VRK2: variants seen among roughly 807,000 people sequenced by gnomAD.
VRK2 encodes the protein VRK serine/threonine kinase 2.
VRK2 carries 60 observed loss-of-function variants against 57.6 expected under a neutral mutation model. The ratio of observed to expected loss-of-function variants is 1.04; its 90% CI spans 0.85 to 1.29. The LOEUF (loss-of-function observed/expected upper bound fraction) is 1.29, where lower values mean the gene tolerates loss of function less well. VRK2 is among the 50% of genes most tolerant of loss of function. The pLI is 0.00. For synonymous variants in VRK2, 231 were observed against 199.2 expected (o/e 1.16, Z -1.35); for missense variants, 705 against 588.1 (o/e 1.20, Z -2.06).
chr2:57,908,002 T>C (rs537626241), intron 1 of VRK2, among the ~76,000 whole-genome samples: 2 of 152,240 alleles, frequency 1.3e-5, no homozygotes, highest in African/African-American at 4.8e-5. Flanking sequence ...AGAAACAGTC[T>C]AGCAGTGGGT....
intron 7 of VRK2, among the ~76,000 whole-genome samples, chr2:58,122,374 C>T (rs1157252255): frequency 1.3e-5 from 2 of 152,064 alleles, no homozygotes; most frequent in African/African-American, 4.8e-5. Context: ...TTACCAGAAG[C>T]CTTCCTGATA....
At chr2:58,137,201 TCTC>T (rs375286386) in intron 10 of VRK2, among the ~76,000 whole-genome samples, 329 of 25,960 alleles carry the variant, frequency 0.013, 20 homozygotes, top group African/African-American at 0.04. Flanking sequence ...TACATATATA[TCTC>T]ATATATGATA....
chr2:58,039,967 G>A (rs1674395974), intron 3 of VRK2, among the ~76,000 whole-genome samples: 1 of 151,488 alleles, frequency 6.6e-6, no homozygotes, highest in Non-Finnish European at 1.5e-5. Context: ...CCAGGCTGGA[G>A]TAGTGTTGTG....
At chr2:57,936,094 T>C (rs1670895057) in intron 1 of VRK2, among the ~76,000 whole-genome samples, 1 of 152,168 alleles carries the variant, frequency 6.6e-6, no homozygotes. Flanking sequence ...ATGTTGCCAA[T>C]CAGTACCTCA....
intron 1 of VRK2, among the ~76,000 whole-genome samples, chr2:58,013,068 CTA>C (rs1363206390): frequency 1.3e-5 from 2 of 151,990 alleles, no homozygotes; most frequent in African/African-American, 4.8e-5. Context: ...ATTCTACTTT[CTA>C]TGTTTTTATA....
chr2:57,937,644 C>G (rs923187641), intron 1 of VRK2, among the ~76,000 whole-genome samples: 2 of 152,118 alleles, frequency 1.3e-5, no homozygotes, highest in African/African-American at 2.4e-5. Flanking sequence ...ATTCAAAGAT[C>G]TGCACAGCAA....
intron 1 of VRK2, among the ~76,000 whole-genome samples, chr2:57,946,710 G>C (rs1303913036): frequency 6.6e-6 from 1 of 152,068 alleles, no homozygotes; most frequent in Admixed American, 6.6e-5. Context: ...ATAAAAACCA[G>C]ATAATTCTAA....
At chr2:57,997,940 T>C (rs1249868595) in intron 1 of VRK2, among the ~76,000 whole-genome samples, 1 of 151,716 alleles carries the variant, frequency 6.6e-6, no homozygotes, top group African/African-American at 2.4e-5. Flanking sequence ...AGAAAGAAAT[T>C]AGGATATAAA....
intron 1 of VRK2, among the ~76,000 whole-genome samples, chr2:57,985,133 A>G (rs958250970): frequency 3.9e-5 from 6 of 152,058 alleles, no homozygotes; most frequent in Non-Finnish European, 5.9e-5. Flanking sequence ...ATAAATAGAC[A>G]AATATTGGGT....
At chr2:58,029,278 A>T (rs1324175993) in intron 2 of VRK2, among the ~76,000 whole-genome samples, 1 of 151,956 alleles carries the variant, frequency 6.6e-6, no homozygotes, top group African/African-American at 2.4e-5. Context: ...TTGCATCTCC[A>T]ATTTTCTTCT....
At chr2:57,936,518 G>GTTTTTTTTTTTTTTTTTTT in intron 1 of VRK2, among the ~76,000 whole-genome samples, 1 of 134,994 alleles carries the variant, frequency 7.4e-6, no homozygotes, top group Non-Finnish European at 1.6e-5. Context: ...GTTTTGTTTT[G>GTTTTTTTTTTTTTTTTTTT]TTTTGTTTTT....
intron 11 of VRK2, among the ~76,000 whole-genome samples, chr2:58,141,693 C>T (rs992738397): frequency 4.0e-5 from 6 of 151,818 alleles, no homozygotes; most frequent in African/African-American, 1.4e-4. Context: ...ATGGGCTCAC[C>T]ATATGTGGCT....
chr2:57,990,969 T>G (rs1672747566), intron 1 of VRK2, among the ~76,000 whole-genome samples: 1 of 151,970 alleles, frequency 6.6e-6, no homozygotes, highest in Admixed American at 6.5e-5. Context: ...TTTTATGAAT[T>G]CCCATGTCCA....
chr2:58,089,403 C>T (rs529781370), intron 6 of VRK2, among the ~76,000 whole-genome samples: 2 of 152,180 alleles, frequency 1.3e-5, no homozygotes, highest in South Asian at 4.2e-4. Flanking sequence ...GATTTTCTTC[C>T]TTTGGAACTT....
intron 2 of VRK2, among the ~76,000 whole-genome samples, chr2:58,051,901 A>G (rs1675799419): frequency 6.6e-6 from 1 of 152,242 alleles, no homozygotes; most frequent in Non-Finnish European, 1.5e-5. Flanking sequence ...TTCTTTGAAT[A>G]TGAAAAGAGA....
In VRK2 at chr2:58,159,845, AAAAAT is replaced by A; in HGVS notation, c.*158_*162del. The A allele has an allele frequency of 1.9e-6, 3 of 1,608,240 alleles. No individual in the cohort carries two copies. Among genetic ancestry groups the A allele is most frequent in the Non-Finnish European group, 2.5e-6 (3 of 1,178,100 alleles). On this transcript the variant is annotated 3_prime_UTR_variant, in exon 13 of 13. Coordinates refer to ENST00000340157, the MANE Select transcript of VRK2 (RefSeq NM_006296.7). ...TTTAACAAAGTTTGTGGACACTCTA[AAAAAT>A]AAAATTGCTTTGTACTAGAAATAGT...
intron 1 of VRK2, among the ~76,000 whole-genome samples, chr2:57,940,151 C>A (rs1671046621): frequency 6.6e-6 from 1 of 152,048 alleles, no homozygotes; most frequent in Non-Finnish European, 1.5e-5. Flanking sequence ...TGAATTGGCT[C>A]ATATAATTAT....
At position 58,159,514 on chromosome 2, in the gene VRK2, T is replaced by A. The variant is rs558816519; in HGVS notation, c.1348T>A (p.Trp450Arg). The stretch of plus-strand genomic sequence containing the variant: ...ATTCAAGAAGTCAAGATCTCCATCT[T>A]GGTATAAATACACTTCCACAGTCAG... ...DIFKKSRSPSWYKYTSTVSTG... is the reference protein window; with the variant it reads ...DIFKKSRSPSRYKYTSTVSTG... Residue 450 changes from tryptophan (W) to arginine (R), a missense_variant, in exon 13 of 13, where the codon TGG becomes AGG. Physicochemically the swap from Trp to Arg is moderately radical, Grantham distance 101. Transcript: ENST00000340157. The A allele has an allele frequency of 1.4e-4, 222 of 1,613,802 alleles. 2 individuals are homozygous for A. The South Asian group carries it at 2.3e-3, about 17-fold the overall frequency.
chr2:58,071,667 G>A (rs1052394894), intron 2 of VRK2, among the ~76,000 whole-genome samples: 3 of 151,352 alleles, frequency 2.0e-5, no homozygotes, highest in African/African-American at 4.8e-5. Context: ...TATTTTTTTT[G>A]CAGTACCACA....
Sources: allele counts gnomAD v4.1 joint callset (sites outside exome capture counted in the v4.1 genomes callset), GRCh38; gene constraint gnomAD v4.1.1; transcripts MANE v1.5; gene names NCBI Gene and HGNC (gene_info 2026-07-23, HGNC 2026-07-21).